Variants in MATN2 observed in about 807,000 individuals in gnomAD.
MATN2 encodes the protein matrilin 2, also known as matrilin-2.
In MATN2, 69 loss-of-function variants were observed where a neutral mutation model predicts 103.2. The ratio of observed to expected loss-of-function variants is 0.67; its 90% CI spans 0.55 to 0.82. The LOEUF is 0.82. Among genes scored for constraint, MATN2 ranks in the 40% least tolerant of loss-of-function variants. The pLI, the probability that MATN2 is intolerant of heterozygous loss-of-function variation, is 0.00. For synonymous variants in MATN2, 429 were observed against 450.2 expected (o/e 0.95, Z 0.60); for missense variants, 1,023 against 1,211.5 (o/e 0.84, Z 2.31).
chr8:97,998,738 T>A (rs562417847), intron 7 of MATN2, among the ~76,000 whole-genome samples: 1 of 151,788 alleles, frequency 6.6e-6, no homozygotes, highest in East Asian at 1.9e-4. Flanking sequence ...ATTTATTTTT[T>A]AAAATTGACA....
chr8:97,959,772 TGAATC>T (rs1369272614), intron 4 of MATN2, among the ~76,000 whole-genome samples: 17 of 151,996 alleles, frequency 1.1e-4, no homozygotes, highest in Non-Finnish European at 2.5e-4. Flanking sequence ...ATAGAGATGT[TGAATC>T]AAATCAGCTT....
intron 7 of MATN2, among the ~76,000 whole-genome samples, chr8:98,002,951 G>A (rs973634111): frequency 2.6e-5 from 4 of 151,964 alleles, no homozygotes; most frequent in African/African-American, 4.8e-5. Flanking sequence ...AAGCCCGCAC[G>A]TCCAGTCATG....
chr8:97,873,358 T>C (rs1817962642), intron 1 of MATN2, among the ~76,000 whole-genome samples: 1 of 151,858 alleles, frequency 6.6e-6, no homozygotes, highest in Non-Finnish European at 1.5e-5. Flanking sequence ...TTTTCTTTTT[T>C]TTTTTTTTCC....
chr8:97,952,915 G>A (rs1450833232), intron 4 of MATN2, among the ~76,000 whole-genome samples: 1 of 126,694 alleles, frequency 7.9e-6, no homozygotes, highest in African/African-American at 2.9e-5. Flanking sequence ...TGTTTGTAGG[G>A]ATTTTTTTTT....
At chr8:98,027,907 A>G in intron 14 of MATN2, 78 bp downstream of exon 14, 1 of 1,435,198 alleles carries the variant, frequency 7.0e-7, no homozygotes, top group Non-Finnish European at 9.3e-7. Flanking sequence ...TCAGCTGGCC[A>G]TAAGGGTAAG....
intron 2 of MATN2, among the ~76,000 whole-genome samples, chr8:97,906,496 AC>A (rs1314295832): frequency 6.6e-6 from 1 of 152,114 alleles, no homozygotes; most frequent in African/African-American, 2.4e-5. Context: ...TACATGATCC[AC>A]CCCAGCCAGT....
At chr8:97,976,297 C>T (rs1023529776) in intron 5 of MATN2, among the ~76,000 whole-genome samples, 5 of 151,976 alleles carry the variant, frequency 3.3e-5, no homozygotes, top group African/African-American at 1.2e-4. Flanking sequence ...TTAGTAGAGA[C>T]AGGGTTTCGC....
chr8:97,944,799 T>C (rs1362728649), intron 4 of MATN2, among the ~76,000 whole-genome samples: 5 of 152,198 alleles, frequency 3.3e-5, no homozygotes, highest in Non-Finnish European at 7.3e-5. Flanking sequence ...AAACTCACAG[T>C]GGGCCTGGAG....
chr8:97,964,726 C>T (rs538584314), intron 5 of MATN2, among the ~76,000 whole-genome samples: 6 of 152,162 alleles, frequency 3.9e-5, no homozygotes, highest in Admixed American at 2.0e-4. Context: ...TGAGCCACCT[C>T]GCCTGATGCC....
chr8:97,974,238 A>C (rs1811759208), intron 5 of MATN2, among the ~76,000 whole-genome samples: 1 of 151,940 alleles, frequency 6.6e-6, no homozygotes, highest in South Asian at 2.1e-4. Context: ...TCCTGGGCTC[A>C]AGCAATCCTC....
intron 11 of MATN2, 71 bp downstream of exon 11, chr8:98,016,733 G>GTA: frequency 6.5e-7 from 1 of 1,542,752 alleles, no homozygotes; most frequent in African/African-American, 1.4e-5. Context: ...CCTTATCTCT[G>GTA]TATATATCAG....
intron 5 of MATN2, among the ~76,000 whole-genome samples, chr8:97,973,041 G>C (rs1383104959): frequency 6.6e-6 from 1 of 152,114 alleles, no homozygotes; most frequent in African/African-American, 2.4e-5. Flanking sequence ...CAAACCACTT[G>C]GCAAATAACA....
chr8:97,928,581 G>A (rs1172221008), intron 2 of MATN2, among the ~76,000 whole-genome samples: 1 of 152,120 alleles, frequency 6.6e-6, no homozygotes, highest in Admixed American at 6.5e-5. Flanking sequence ...GGGGCTCAGG[G>A]CTTGGCTGGA....
At chr8:97,942,035 T>C (rs112254620) in intron 4 of MATN2, 136 bp downstream of exon 4, 3 of 1,150,444 alleles carry the variant, frequency 2.6e-6, no homozygotes, top group Admixed American at 2.2e-5. Context: ...AGAAATAAAG[T>C]TTGGTATTTT....
chr8:97,968,533 T>C (rs548726560), intron 5 of MATN2, among the ~76,000 whole-genome samples: 3 of 152,354 alleles, frequency 2.0e-5, no homozygotes, highest in African/African-American at 7.2e-5. Context: ...AGAAATTTTT[T>C]CCATCAGATA....
At position 97,978,925 on chromosome 8, in the gene MATN2, A is replaced by AT; in HGVS notation, c.999dup (p.Glu334Ter). The AT allele has an allele frequency of 4.3e-6, 7 of 1,613,858 alleles. No individual in the cohort carries two copies. Among genetic ancestry groups the AT allele is most frequent in the Non-Finnish European group, 5.9e-6 (7 of 1,179,768 alleles). On this transcript the variant is annotated frameshift_variant, in exon 6 of 19. Coordinates refer to ENST00000254898, the MANE Select transcript of MATN2 (RefSeq NM_002380.5). LOFTEE classifies it high-confidence loss of function. ...GCCTCAGAAAACCACGGATGTGAAC[A>AT]TGAGTGTGTAAATGCTGATGGCTCC... is the stretch of plus-strand genomic sequence containing the variant.
intron 2 of MATN2, among the ~76,000 whole-genome samples, chr8:97,911,332 A>T (rs750337346): frequency 5.9e-5 from 9 of 152,226 alleles, no homozygotes; most frequent in Non-Finnish European, 1.0e-4. Context: ...AAGAACTAAG[A>T]CACTTCATTT....
At chr8:98,024,583 G>A (rs1447885727) in intron 13 of MATN2, among the ~76,000 whole-genome samples, 1 of 152,204 alleles carries the variant, frequency 6.6e-6, no homozygotes, top group Non-Finnish European at 1.5e-5. Flanking sequence ...CCAAAGATGG[G>A]GCTTTCGTGG....
intron 4 of MATN2, among the ~76,000 whole-genome samples, chr8:97,949,171 A>ATGT (rs1554606122): frequency 1.1e-3 from 151 of 140,482 alleles, no homozygotes; most frequent in African/African-American, 3.7e-3. Flanking sequence ...ACTAGAATGG[A>ATGT]TTTTTTTTTT....
Sources: allele counts gnomAD v4.1 joint callset (sites outside exome capture counted in the v4.1 genomes callset), GRCh38; gene constraint gnomAD v4.1.1; transcripts MANE v1.5; gene names NCBI Gene and HGNC (gene_info 2026-07-23, HGNC 2026-07-21).